Variants in GOLIM4 observed in about 807,000 individuals in gnomAD.
The protein encoded by GOLIM4 is golgi integral membrane protein 4.
In GOLIM4, 71 loss-of-function variants were observed where a neutral mutation model predicts 107.4. The observed-to-expected ratio is 0.66, with a 90% CI of 0.55 to 0.81. The LOEUF (loss-of-function observed/expected upper bound fraction) is 0.81. Ranked by LOEUF, GOLIM4 falls within the 30% of genes least tolerant of loss-of-function variation. The probability of loss-of-function intolerance (pLI) is 0.00; values close to 1 mark genes in which losing one functional copy is unlikely to be tolerated. For missense variants in GOLIM4, 830 were observed against 826.1 expected (o/e 1.00, Z -0.06); for synonymous variants, 327 against 294.8 (o/e 1.11, Z -1.12).
chr3:168,036,703 G>GGC, intron 8 of GOLIM4, 133 bp downstream of exon 8: 2 of 658,390 alleles, frequency 3.0e-6, no homozygotes, highest in Non-Finnish European at 5.3e-6. Context: ...ACGCCCTACT[G>GGC]GCAATTCTGA....
At chr3:168,073,092 T>G (rs938166886) in intron 1 of GOLIM4, among the ~76,000 whole-genome samples, 2 of 152,188 alleles carry the variant, frequency 1.3e-5, no homozygotes, top group Non-Finnish European at 2.9e-5. Context: ...AACACAGTAT[T>G]CCAGGACAAA....
chr3:168,016,471 G>T (rs1472034405), intron 14 of GOLIM4, among the ~76,000 whole-genome samples: 1 of 132,060 alleles, frequency 7.6e-6, no homozygotes, highest in Non-Finnish European at 1.5e-5. Context: ...AACCATTGTG[G>T]AAGTCAGTGT....
chr3:168,052,195 C>T (rs1261526316), intron 1 of GOLIM4, among the ~76,000 whole-genome samples: 2 of 152,088 alleles, frequency 1.3e-5, no homozygotes, highest in African/African-American at 2.4e-5. Context: ...ATATCAAGTG[C>T]TTAGAATACT....
intron 1 of GOLIM4, 96 bp downstream of exon 1, chr3:168,095,003 C>T (rs1292624100): frequency 1.1e-6 from 1 of 917,414 alleles, no homozygotes; most frequent in African/African-American, 1.6e-5. Context: ...GAGGTGGCAA[C>T]CACAGTGCCA....
At chr3:168,058,015 A>T (rs181482050) in intron 1 of GOLIM4, among the ~76,000 whole-genome samples, 251 of 152,318 alleles carry the variant, frequency 1.6e-3, no homozygotes, top group African/African-American at 5.7e-3. Flanking sequence ...GATTAAATTT[A>T]TATGTTGGTG....
At position 168,046,877 on chromosome 3, in the gene GOLIM4, TTC is replaced by T. The variant is rs147843829; in HGVS notation, c.312+71_312+72del. ...AAAGTAAAAGAGTTCGCAACTGTAT[TTC>T]TCTCTCTTTCAAGTTTTATGAAAAC... On this transcript the variant is annotated intron_variant, in intron 3 of 15. Coordinates refer to ENST00000470487, the MANE Select transcript of GOLIM4 (RefSeq NM_014498.5). 6,562 of 785,374 alleles carry T rather than the reference TTC, an allele frequency of 8.4e-3. 319 individuals are homozygous for T. In the African/African-American group the frequency reaches 0.11, roughly 13 times the overall value. 48.7% of individuals were successfully genotyped at this position (785,374 alleles called of 1,614,324 possible). A position where few individuals can be genotyped will look rare whatever the true frequency, so the allele number is the denominator to read the frequency against.
Position 168,047,010 on chromosome 3 carries a change from C to A in GOLIM4, c.263-11G>T, listed in dbSNP as rs1719343215. 4 of 1,199,058 alleles carry A rather than the reference C, an allele frequency of 3.3e-6. No individual in the cohort carries two copies. In the African/African-American group the frequency reaches 4.8e-5, roughly 14 times the overall value. 74.3% of individuals were successfully genotyped at this position (1,199,058 alleles called of 1,614,324 possible). A position where few individuals can be genotyped will look rare whatever the true frequency, so the allele number is the denominator to read the frequency against. On this transcript the variant is annotated splice_polypyrimidine_tract_variant and intron_variant, in intron 2 of 15. Coordinates refer to ENST00000470487, the MANE Select transcript of GOLIM4 (RefSeq NM_014498.5). ...TATAAACAAGAAAATCTAGAAAATA[C>A]AAGATGGAAAAAAACAGTGATAATT... is the stretch of plus-strand genomic sequence containing the variant.
intron 1 of GOLIM4, among the ~76,000 whole-genome samples, chr3:168,094,180 G>A (rs1174581659): frequency 2.6e-5 from 4 of 152,088 alleles, no homozygotes; most frequent in African/African-American, 9.7e-5. Context: ...TTGAATTTAC[G>A]TTAAAAGTAA....
rs1465628493 is a variant in GOLIM4 at position 168,008,816 on chromosome 3, ATAT to A, written c.*1450_*1452del. 2 of 152,268 alleles carry A rather than the reference ATAT, an allele frequency of 1.3e-5. No individual in the cohort carries two copies. The highest frequency in any genetic ancestry group is 2.1e-4 in the South Asian group (1 of 4,826). The allele number at this position is 152,268 out of a possible 1,614,324, so 9.4% of individuals were successfully genotyped here. A position where few individuals can be genotyped will look rare whatever the true frequency, so the allele number is the denominator to read the frequency against. ...AATTGTATTCTGAATATTATGTACAATATTATACATTTTACATTACATAATGGG... is the reference window on the plus strand; with the variant it reads ...AATTGTATTCTGAATATTATGTACAATATACATTTTACATTACATAATGGG... On this transcript the variant is annotated 3_prime_UTR_variant, in exon 16 of 16. Transcript: ENST00000470487.
chr3:168,056,507 G>A (rs1358551006), intron 1 of GOLIM4, among the ~76,000 whole-genome samples: 1 of 152,186 alleles, frequency 6.6e-6, no homozygotes, highest in Non-Finnish European at 1.5e-5. Flanking sequence ...CATGCACCTG[G>A]AAAAGCCACA....
At chr3:168,011,426 C>G (rs9869383) in intron 14 of GOLIM4, among the ~76,000 whole-genome samples, 2 of 152,058 alleles carry the variant, frequency 1.3e-5, no homozygotes, top group Non-Finnish European at 2.9e-5. Flanking sequence ...GCCAGCACAG[C>G]AGTCTGAGAT....
intron 1 of GOLIM4, among the ~76,000 whole-genome samples, chr3:168,051,264 T>A (rs184221970): frequency 1.3e-5 from 2 of 151,038 alleles, no homozygotes; most frequent in African/African-American, 2.4e-5. Flanking sequence ...TTTATTCTCT[T>A]CCCTTGGATT....
intron 1 of GOLIM4, among the ~76,000 whole-genome samples, chr3:168,083,812 G>C (rs1357172539): frequency 6.6e-6 from 1 of 152,106 alleles, no homozygotes; most frequent in Non-Finnish European, 1.5e-5. Flanking sequence ...TGCCCCCAAT[G>C]ATCTCCACTT....
intron 14 of GOLIM4, among the ~76,000 whole-genome samples, chr3:168,013,482 G>A (rs1267654188): frequency 2.8e-5 from 4 of 143,240 alleles, no homozygotes; most frequent in Non-Finnish European, 4.4e-5. Flanking sequence ...ACAGATCAAC[G>A]AGACAGAAAG....
At chr3:168,058,999 G>A (rs780351835) in intron 1 of GOLIM4, among the ~76,000 whole-genome samples, 2 of 152,112 alleles carry the variant, frequency 1.3e-5, no homozygotes, top group Non-Finnish European at 2.9e-5. Flanking sequence ...CGAGAGAAGA[G>A]GGGGTTGTTT....
intron 1 of GOLIM4, among the ~76,000 whole-genome samples, chr3:168,064,749 A>G (rs541623140): frequency 9.2e-5 from 14 of 152,186 alleles, no homozygotes; most frequent in African/African-American, 3.4e-4. Flanking sequence ...AGAAATTTTT[A>G]AAGAAGCACA....
chr3:168,047,299 G>A (rs1719358307), intron 2 of GOLIM4, among the ~76,000 whole-genome samples: 1 of 152,038 alleles, frequency 6.6e-6, no homozygotes, highest in South Asian at 2.1e-4. Flanking sequence ...ATTTAGGAGG[G>A]AAAAAATGGA....
intron 7 of GOLIM4, among the ~76,000 whole-genome samples, chr3:168,039,562 C>A (rs911757200): frequency 3.9e-5 from 6 of 152,082 alleles, no homozygotes; most frequent in Non-Finnish European, 8.8e-5. Context: ...CGGTGCCCGG[C>A]CAAAATTTTT....
At chr3:168,075,019 G>A (rs1440609656) in intron 1 of GOLIM4, among the ~76,000 whole-genome samples, 2 of 152,082 alleles carry the variant, frequency 1.3e-5, no homozygotes, top group Non-Finnish European at 2.9e-5. Flanking sequence ...GTGGAGCCTA[G>A]AAAGGAGGAC....
Sources: allele counts gnomAD v4.1 joint callset (sites outside exome capture counted in the v4.1 genomes callset), GRCh38; gene constraint gnomAD v4.1.1; transcripts MANE v1.5; gene names NCBI Gene and HGNC (gene_info 2026-07-23, HGNC 2026-07-21).